The following LDLRAP1 variants were observed in gnomAD, a reference collection of about 807,000 sequenced individuals.
LDLRAP1 encodes low density lipoprotein receptor adapter protein 1.
LDLRAP1 carries 30 observed loss-of-function variants against 37.8 expected under a neutral mutation model. The ratio of observed to expected loss-of-function variants is 0.79; its 90% CI spans 0.59 to 1.08. The LOEUF (loss-of-function observed/expected upper bound fraction) is 1.08. Ranked by LOEUF, LDLRAP1 falls within the 50% of genes least tolerant of loss-of-function variation. The probability of loss-of-function intolerance (pLI) is 0.00; values close to 1 mark genes in which losing one functional copy is unlikely to be tolerated. For missense variants in LDLRAP1, 375 were observed against 401.6 expected, an observed-to-expected ratio of 0.93 and a Z score of 0.57; for synonymous variants, 156 against 169.8, an observed-to-expected ratio of 0.92 and a Z score of 0.63.
chr1:25,583,542 A>G, the LDLRAP1 span, among the ~76,000 whole-genome samples: 1 of 152,090 alleles, frequency 6.6e-6, no homozygotes, highest in East Asian at 1.9e-4. Context: ...TGCAAATAAT[A>G]TGCTAGGTGT....
At position 25,554,812 on chromosome 1, in the gene LDLRAP1, GTC is replaced by G; in HGVS notation, c.232-45_232-44del. The G allele has an allele frequency of 6.9e-7, 1 of 1,453,900 alleles. No individual in the cohort carries two copies. Among genetic ancestry groups the G allele is most frequent in the Non-Finnish European group, 9.6e-7 (1 of 1,040,208 alleles). The allele number at this position is 1,453,900 out of a possible 1,614,324, so 90.1% of individuals were successfully genotyped here. A position where few individuals can be genotyped will look rare whatever the true frequency, so the allele number is the denominator to read the frequency against. ...AGTGAAGTGTAAGCCATGAGGGTGG[GTC>G]TCAAGTGAGGCTGGCAGACTCCTCT... On this transcript the variant is annotated intron_variant, in intron 2 of 8. Transcript: ENST00000374338. The surrounding 1 kb of genome is among the most constrained non-coding windows in gnomAD (Gnocchi z 5.4).
downstream of LDLRAP1, among the ~76,000 whole-genome samples, chr1:25,570,275 A>T (rs1329851129): frequency 6.6e-6 from 1 of 152,152 alleles, no homozygotes; most frequent in Admixed American, 6.5e-5. Context: ...TAGTCTCCGG[A>T]TGTCTCGGAT....
chr1:25,580,621 T>G, the LDLRAP1 span, among the ~76,000 whole-genome samples: 1 of 152,128 alleles, frequency 6.6e-6, no homozygotes, highest in Non-Finnish European at 1.5e-5. Context: ...TGATCCTCCC[T>G]CCTCAGCCCC....
the LDLRAP1 span, among the ~76,000 whole-genome samples, chr1:25,581,144 A>G: frequency 1.3e-5 from 2 of 152,160 alleles, no homozygotes; most frequent in South Asian, 4.1e-4. Context: ...ACCAAAAGCA[A>G]ATGGGGTGTG....
chr1:25,579,637 C>T, the LDLRAP1 span, among the ~76,000 whole-genome samples: 2 of 152,106 alleles, frequency 1.3e-5, no homozygotes, highest in African/African-American at 4.8e-5. Context: ...TTCCTTGAAT[C>T]GCCCAGTGCC....
rs1186468701 is a variant in LDLRAP1 at position 25,568,591 on chromosome 1, C to G, written c.*1599C>G. On this transcript the variant is annotated 3_prime_UTR_variant, in exon 9 of 9. Transcript: ENST00000374338. ...GGGGTGGGATTTGCAGGGTCATTAT[C>G]AGAACATGAGGATAACTTCCTTGCC... 6.6e-6 allele frequency: 1 copy of G among 152,366 alleles called. No homozygotes were observed. The highest frequency in any genetic ancestry group is 1.9e-4 in the East Asian group (1 of 5,178). The allele number at this position is 152,366 out of a possible 1,614,324, so 9.4% of individuals were successfully genotyped here. A position where few individuals can be genotyped will look rare whatever the true frequency, so the allele number is the denominator to read the frequency against.
At chr1:25,579,757 G>A in the LDLRAP1 span, among the ~76,000 whole-genome samples, 1 of 152,120 alleles carries the variant, frequency 6.6e-6, no homozygotes, top group Non-Finnish European at 1.5e-5. Flanking sequence ...TTTCCCAGAT[G>A]GCCACAGGCC....
chr1:25,585,450 T>A, the LDLRAP1 span, among the ~76,000 whole-genome samples: 8 of 152,034 alleles, frequency 5.3e-5, no homozygotes, highest in African/African-American at 9.6e-5. Flanking sequence ...CTCAGCCTCC[T>A]GAGTAGCTGG....
At chr1:25,565,761 G>T (rs1247265634) in intron 8 of LDLRAP1, among the ~76,000 whole-genome samples, 1 of 152,180 alleles carries the variant, frequency 6.6e-6, no homozygotes, top group African/African-American at 2.4e-5. Context: ...CACTGAGAAG[G>T]CTGTGGCTGA....
At chr1:25,569,516 G>C (rs1355223228), downstream of LDLRAP1, among the ~76,000 whole-genome samples, 1 of 152,192 alleles carries the variant, frequency 6.6e-6, no homozygotes, top group African/African-American at 2.4e-5. Flanking sequence ...TTTCCCGTCT[G>C]TGAAAATGGT....
intron 1 of LDLRAP1, among the ~76,000 whole-genome samples, chr1:25,550,227 G>C (rs2044041825): frequency 6.6e-6 from 1 of 152,140 alleles, no homozygotes; most frequent in Admixed American, 6.5e-5. Flanking sequence ...TTATCCAAGG[G>C]TCACAACAGC....
At chr1:25,589,304 A>AAAAGAAAG in the LDLRAP1 span, among the ~76,000 whole-genome samples, 420 of 149,052 alleles carry the variant, frequency 2.8e-3, 5 homozygotes, top group African/African-American at 9.9e-3. Context: ...ACTCCATCTC[A>AAAAGAAAG]AAAGAAAGAA....
chr1:25,587,791 G>A, the LDLRAP1 span, among the ~76,000 whole-genome samples: 1 of 152,106 alleles, frequency 6.6e-6, no homozygotes, highest in Admixed American at 6.5e-5. Flanking sequence ...GTCACAGCTG[G>A]GGTTCAAATC....
At chr1:25,549,409 G>A (rs2044016210) in intron 1 of LDLRAP1, among the ~76,000 whole-genome samples, 1 of 152,190 alleles carries the variant, frequency 6.6e-6, no homozygotes, top group South Asian at 2.1e-4. Context: ...AGCCAGGCAG[G>A]GTCTCTGGGA....
In LDLRAP1 at chr1:25,543,853, G is replaced by T. The variant is rs139434450; in HGVS notation, c.88+67G>T. The T allele has an allele frequency of 3.6e-3, 3,757 of 1,057,368 alleles. 74 individuals are homozygous for T. In the African/African-American group the frequency reaches 0.048, roughly 13 times the overall value. The allele number at this position is 1,057,368 out of a possible 1,614,324, so 65.5% of individuals were successfully genotyped here. On this transcript the variant is annotated intron_variant, in intron 1 of 8. Coordinates refer to ENST00000374338, the MANE Select transcript of LDLRAP1 (RefSeq NM_015627.3). ...AGAGGCGCGCGGGGCCTCCGCGGGC[G>T]CCCGGAGTGCGGCCAAGTTGGGCAG... is the stretch of plus-strand genomic sequence containing the variant.
intron 1 of LDLRAP1, among the ~76,000 whole-genome samples, chr1:25,547,588 T>C (rs1384072939): frequency 6.6e-6 from 1 of 152,174 alleles, no homozygotes; most frequent in East Asian, 1.9e-4. Context: ...TGGGAGGCAG[T>C]GTAGAACGTG....
the LDLRAP1 span, chr1:25,581,680 G>A: frequency 3.9e-5 from 6 of 152,528 alleles, no homozygotes; most frequent in African/African-American, 1.4e-4. Flanking sequence ...CTATGCTGAA[G>A]GGGAAATGGA....
chr1:25,546,816 T>A (rs1572020107), intron 1 of LDLRAP1, among the ~76,000 whole-genome samples: 3 of 141,006 alleles, frequency 2.1e-5, no homozygotes, highest in East Asian at 3.9e-4. Context: ...TAAACTTTCT[T>A]ATGGGTTTTT....
intron 5 of LDLRAP1, 125 bp downstream of exon 5, chr1:25,562,841 CT>C (rs1178767600): frequency 3.2e-5 from 28 of 879,380 alleles, no homozygotes; most frequent in African/African-American, 7.1e-5. Flanking sequence ...GAGCAGGTCC[CT>C]TCACCGCTCA....
Sources: gnomAD v4.1 joint callset for allele counts (sites outside exome capture counted in the v4.1 genomes callset) on GRCh38, gnomAD v4.1.1 for gene constraint, Gnocchi (gnomAD v3.1) non-coding constraint, MANE v1.5 for transcripts, NCBI Gene and HGNC (gene_info 2026-07-23, HGNC 2026-07-21) for gene names.